BLVRB: variants seen among roughly 807,000 people sequenced by gnomAD.
The protein encoded by BLVRB is flavin reductase (NADPH).
BLVRB carries 25 observed loss-of-function variants against 21.1 expected under a neutral mutation model. That is an observed-to-expected ratio of 1.19 (90% CI 0.86 to 1.66). BLVRB has a LOEUF of 1.66. Among genes scored for constraint, BLVRB ranks in the 40% most tolerant of loss-of-function variants. The probability of loss-of-function intolerance (pLI) is 0.00; values close to 1 mark genes in which losing one functional copy is unlikely to be tolerated. For missense variants in BLVRB, 274 were observed against 282.7 expected (o/e 0.97, Z 0.22); for synonymous variants, 128 against 122.2 (o/e 1.05, Z -0.31).
chr19:40,457,521 G>C (rs1469997103), intron 3 of BLVRB: 1 of 151,926 alleles, frequency 6.6e-6, no homozygotes, highest in Non-Finnish European at 1.5e-5. Flanking sequence ...CTACCTGGGA[G>C]GCAGAGGCAG....
chr19:40,464,646 C>T (rs1203078668), intron 1 of BLVRB, among the ~76,000 whole-genome samples: 2 of 152,202 alleles, frequency 1.3e-5, no homozygotes, highest in South Asian at 2.1e-4. Context: ...CTGGTTTTTA[C>T]TGAGAGGCCC....
chr19:40,460,245 A>AATATATATATATATATATATATATAT lies in BLVRB; in HGVS notation c.80-1701_80-1700insATATATATATATATATATATATATAT, dbSNP rs1223233988. 2.5e-3 allele frequency among the ~76,000 whole-genome samples: 133 copies of AATATATATATATATATATATATATAT among 53,482 alleles called. 8 individuals are homozygous for AATATATATATATATATATATATATAT. Among genetic ancestry groups the AATATATATATATATATATATATATAT allele is most frequent in the African/African-American group, 3.3e-3 (34 of 10,430 alleles). 35.1% of individuals were successfully genotyped at this position (53,482 alleles called of 152,430 possible). On this transcript the variant is annotated intron_variant, in intron 1 of 4. Transcript: ENST00000263368. ...TAACATTTGGGTATACTGTAATAGC[A>AATATATATATATATATATATATATAT]ACATATATATATATATATATATATA... is the stretch of plus-strand genomic sequence containing the variant.
chr19:40,465,726 G>A lies in BLVRB; in HGVS notation c.-38C>T. 1.2e-6 allele frequency: 2 copies of A among 1,601,836 alleles called. No individual in the cohort carries two copies. The highest frequency in any genetic ancestry group is 1.7e-6 in the Non-Finnish European group (2 of 1,172,554). On this transcript the variant is annotated 5_prime_UTR_variant, in exon 1 of 5. Transcript: ENST00000263368. Reference sequence around the variant, plus strand: ...TGGGGGTGCAAGGCCTCAGAGTCTCGGCACGCGCGGGAACCCACTGGCTGC... The same window carrying A: ...TGGGGGTGCAAGGCCTCAGAGTCTCAGCACGCGCGGGAACCCACTGGCTGC...
chr19:40,465,566 T>C, intron 1 of BLVRB, 44 bp downstream of exon 1: 1 of 1,578,814 alleles, frequency 6.3e-7, no homozygotes, highest in Non-Finnish European at 8.6e-7. Flanking sequence ...CCTAAAGTTC[T>C]GCCCGTCTGT....
chr19:40,463,009 C>G (rs1216031418), intron 1 of BLVRB, among the ~76,000 whole-genome samples: 1 of 149,438 alleles, frequency 6.7e-6, no homozygotes, highest in African/African-American at 2.5e-5. Context: ...AAAACTAATA[C>G]TTAACATGTG....
chr19:40,458,397 GC>G lies in BLVRB; in HGVS notation c.227del (p.Gly76AlafsTer11). ...GCTCAGTACTGAGGTCATTGCGGGT[GC>G]CCAGCAGCACGATGACAGCGTCCTG... ...AGQDAVIVLL[G>X]TRNDLSPTTV... On this transcript the variant is annotated frameshift_variant, in exon 2 of 5. Transcript: ENST00000263368. LOFTEE classifies it high-confidence loss of function. 2 of 1,589,132 alleles carry G rather than the reference GC, an allele frequency of 1.3e-6. No individual in the cohort carries two copies. Among genetic ancestry groups the G allele is most frequent in the Non-Finnish European group, 1.7e-6 (2 of 1,168,580 alleles).
At position 40,447,895 on chromosome 19, in the gene BLVRB, G is replaced by T. The variant is rs200609801; in HGVS notation, c.615C>A (p.Tyr205Ter). 6 of 1,613,736 alleles carry T rather than the reference G, an allele frequency of 3.7e-6. No individual in the cohort carries two copies. The South Asian group carries it at 6.6e-5, about 18-fold the overall frequency. ...DGHSTYPSHQ[Y>*]Q ...CCCAGATGGGGACAGAGTGCTACTG[G>T]TACTGGTGGGAGGGGTAGGTGCTGT... is the stretch of plus-strand genomic sequence containing the variant. The change falls in exon 5 of 5, where the codon TAC becomes TAA. Residue 205 changes from tyrosine (Y) to a stop codon, truncating the protein, a stop_gained. Transcript: ENST00000263368. LOFTEE classifies it high-confidence loss of function.
At chr19:40,461,780 A>G (rs975828748) in intron 1 of BLVRB, among the ~76,000 whole-genome samples, 10 of 152,142 alleles carry the variant, frequency 6.6e-5, no homozygotes, top group South Asian at 4.1e-4. Flanking sequence ...GATTACAGGC[A>G]TGAGCCACTG....
intron 1 of BLVRB, 118 bp downstream of exon 1, chr19:40,465,492 T>C (rs957758276): frequency 3.9e-5 from 51 of 1,298,604 alleles, no homozygotes; most frequent in Non-Finnish European, 5.3e-5. Flanking sequence ...CCCTGAGTCC[T>C]CATACACCTG....
chr19:40,465,527 A>G, intron 1 of BLVRB, 83 bp downstream of exon 1: 1 of 1,514,470 alleles, frequency 6.6e-7, no homozygotes, highest in Non-Finnish European at 8.9e-7. Context: ...GGCCCCAATC[A>G]GCCTCGGCCC....
intron 4 of BLVRB, among the ~76,000 whole-genome samples, chr19:40,449,873 C>T (rs903033248): frequency 6.6e-6 from 1 of 152,062 alleles, no homozygotes; most frequent in Admixed American, 6.6e-5. Context: ...ATTCATAAAC[C>T]TTTAATGCTT....
Position 40,458,245 on chromosome 19 carries a change from C to A in BLVRB, c.245-1G>T. 1 of 1,581,440 alleles carries A rather than the reference C, an allele frequency of 6.3e-7. No individual in the cohort carries two copies. Among genetic ancestry groups the A allele is most frequent in the Non-Finnish European group, 8.6e-7 (1 of 1,159,404 alleles). ...CCCTCGGACATCACTGTCGTGGGAC[C>A]TTAGAGGGGACAGAGAGTGGCTGTC... On this transcript the variant is annotated splice_acceptor_variant, in intron 2 of 4. Coordinates refer to ENST00000263368, the MANE Select transcript of BLVRB (RefSeq NM_000713.3). LOFTEE classifies it high-confidence loss of function.
chr19:40,461,217 C>T (rs571979922), intron 1 of BLVRB, among the ~76,000 whole-genome samples: 8 of 152,244 alleles, frequency 5.3e-5, no homozygotes, highest in Non-Finnish European at 1.0e-4. Flanking sequence ...AACTTTATCT[C>T]CTGGCCTGAT....
In BLVRB at chr19:40,458,433, G is replaced by A. The variant is rs45487299; in HGVS notation, c.192C>T (p.Thr64=). 8.4e-3 allele frequency: 13,382 copies of A among 1,595,992 alleles called. 89 individuals carry two copies. The highest frequency in any genetic ancestry group is 0.056 in the Middle Eastern group (341 of 6,040). Residue 64 remains threonine (T), a synonymous_variant, in exon 2 of 5, where the codon ACC becomes ACT. Transcript: ENST00000263368. ...CGATGACAGCGTCCTGCCCAGCCAC[G>A]GTCTTGTCCACATCGGCTGCCTGCA... The part of the protein sequence containing the change: ...DVLQAADVDK[T]VAGQDAVIVL...
chr19:40,463,426 G>A (rs1397345317), intron 1 of BLVRB, among the ~76,000 whole-genome samples: 1 of 152,228 alleles, frequency 6.6e-6, no homozygotes, highest in African/African-American at 2.4e-5. Context: ...AAGCCGCAGA[G>A]CTGGTGACTT....
At chr19:40,452,189 C>T (rs2079742906) in intron 3 of BLVRB, among the ~76,000 whole-genome samples, 1 of 152,202 alleles carries the variant, frequency 6.6e-6, no homozygotes, top group South Asian at 2.1e-4. Context: ...GATATGGCCC[C>T]ATCAGCCCTC....
rs1274334054 is a variant in BLVRB, at chr19:40,448,007, T to C, written c.503A>G (p.Asp168Gly). 2 of 1,614,042 alleles carry C rather than the reference T, an allele frequency of 1.2e-6. No individual in the cohort carries two copies. Among genetic ancestry groups the C allele is most frequent in the Non-Finnish European group, 8.5e-7 (1 of 1,180,014 alleles). The change falls in exon 5 of 5, where the codon GAT becomes GGT. Residue 168 changes from aspartate to glycine, a missense_variant. By Grantham distance (94) the Asp-to-Gly change is moderately conservative. Transcript: ENST00000263368. ...PLTGAYTVTL[D>G]GRGPSRVISK... ...GATGACCCTTGAGGGCCCTCGTCCA[T>C]CCAGGGTCACTGTGTACGCCCCAGT...
intron 3 of BLVRB, among the ~76,000 whole-genome samples, chr19:40,455,901 C>T (rs1462098759): frequency 2.0e-5 from 3 of 151,876 alleles, no homozygotes; most frequent in Non-Finnish European, 4.4e-5. Flanking sequence ...CGCTTGAGTC[C>T]GGGAGTTCGG....
chr19:40,464,032 G>T (rs558814650), intron 1 of BLVRB, among the ~76,000 whole-genome samples: 1 of 152,106 alleles, frequency 6.6e-6, no homozygotes, highest in Non-Finnish European at 1.5e-5. Context: ...CTCCCAAAGT[G>T]CTGAGATTAC....
Sources: gnomAD v4.1 joint callset for allele counts (sites outside exome capture counted in the v4.1 genomes callset) on GRCh38, gnomAD v4.1.1 for gene constraint, MANE v1.5 for transcripts, NCBI Gene and HGNC (gene_info 2026-07-23, HGNC 2026-07-21) for gene names.